NOTCH1: variants seen among roughly 807,000 people sequenced by gnomAD.
NOTCH1 encodes notch receptor 1.
NOTCH1 carries 37 observed loss-of-function variants against 254.8 expected under a neutral mutation model. That is an observed-to-expected ratio of 0.15 (90% CI 0.11 to 0.19). The LOEUF (loss-of-function observed/expected upper bound fraction) is 0.19, where lower values mean the gene tolerates loss of function less well. Ranked by LOEUF, NOTCH1 falls within the 10% of genes least tolerant of loss-of-function variation. The probability of loss-of-function intolerance (pLI) is 1.00; values close to 1 mark genes in which losing one functional copy is unlikely to be tolerated. For synonymous variants in NOTCH1, 1,731 were observed against 1,618.1 expected (o/e 1.07, Z -1.68); for missense variants, 2,972 against 3,708.6 (o/e 0.80, Z 5.16).
chr9:136,536,268 G>A (rs1843655824), intron 2 of NOTCH1, among the ~76,000 whole-genome samples: 1 of 152,190 alleles, frequency 6.6e-6, no homozygotes, highest in Admixed American at 6.5e-5. Flanking sequence ...GGCTGGCCTG[G>A]TGCCCTGCAG....
At chr9:136,522,444 G>C (rs1843386815) in intron 4 of NOTCH1, among the ~76,000 whole-genome samples, 1 of 152,230 alleles carries the variant, frequency 6.6e-6, no homozygotes, top group Admixed American at 6.5e-5. Flanking sequence ...CAGGAGACCA[G>C]CAGGATGGCA....
rs1162682313 is a variant in NOTCH1 at position 136,497,520 on chromosome 9, G to A, written c.6219C>T (p.Ser2073=). 6.2e-7 allele frequency: 1 copy of A among 1,610,124 alleles called. No homozygotes were observed. The highest frequency in any genetic ancestry group is 8.5e-7 in the Non-Finnish European group (1 of 1,178,942). The change falls in exon 34 of 34, where the codon AGC becomes AGT. Residue 2073 remains serine (S), a synonymous_variant. Transcript: ENST00000651671. The stretch of plus-strand genomic sequence containing the variant: ...CCAGCAGCACCTTGGCGGTCTCGTA[G>A]CTGCCCTCCCGGGCGGCCAGAAACA... ...TPLFLAAREG[S]YETAKVLLDH...
chr9:136,525,855 G>A (rs986754252), intron 2 of NOTCH1, among the ~76,000 whole-genome samples: 3 of 152,252 alleles, frequency 2.0e-5, no homozygotes, highest in South Asian at 2.1e-4. Flanking sequence ...TGTCTTCCCC[G>A]AAGGCTTTTA....
chr9:136,502,167 G>A (rs576498009), intron 28 of NOTCH1, 79 bp from the exon 29 acceptor site: 56 of 1,588,622 alleles, frequency 3.5e-5, no homozygotes, highest in East Asian at 3.4e-4. Context: ...CGGGCCTGGC[G>A]TGGGAGGTGG....
intron 8 of NOTCH1, 125 bp downstream of exon 8, chr9:136,517,627 G>C (rs1843297081): frequency 8.1e-7 from 1 of 1,236,132 alleles, no homozygotes; most frequent in Non-Finnish European, 1.2e-6. Flanking sequence ...GCCCTGTGCA[G>C]GCTGTGGGCC....
In NOTCH1 at chr9:136,496,038, G is replaced by C; in HGVS notation, c.*33C>G. 8.2e-6 allele frequency: 13 copies of C among 1,582,238 alleles called. No individual in the cohort carries two copies. The highest frequency in any genetic ancestry group is 1.1e-5 in the Non-Finnish European group (13 of 1,171,606). On this transcript the variant is annotated 3_prime_UTR_variant, in exon 34 of 34. Coordinates refer to ENST00000651671, the MANE Select transcript of NOTCH1 (RefSeq NM_017617.5). ...CGCACACAGACGCCCGAAGGCTTGG[G>C]AAAGGAAGCCGGGGTCTCGTGGGGC...
rs1307465497 is a variant in NOTCH1 at position 136,513,509 on chromosome 9, T to G, written c.2236A>C (p.Ser746Arg). ...TTGTTGATGTCACAGTTGGTCCCAC[T>G]CCACCCAGGGTCACAGTCGCACTTG... ...GYKCDCDPGW[S>R]GTNCDINNNE... Residue 746 changes from serine (S) to arginine (R), a missense_variant, in exon 14 of 34, where the codon AGT becomes CGT. Coordinates refer to ENST00000651671, the MANE Select transcript of NOTCH1 (RefSeq NM_017617.5). This position sits in a 1 kb window ranked among gnomAD's most constrained non-coding sequence, Gnocchi z 4.7. 6.2e-7 allele frequency: 1 copy of G among 1,613,098 alleles called. No individual in the cohort carries two copies. Among genetic ancestry groups the G allele is most frequent in the South Asian group, 1.1e-5 (1 of 91,084 alleles).
Position 136,495,374 on chromosome 9 carries a change from A to G in NOTCH1, c.*697T>C. On this transcript the variant is annotated 3_prime_UTR_variant, in exon 34 of 34. Transcript: ENST00000651671. ...GATTCATGATTGGTACCATGGGTGC[A>G]CTCTTGGCATACACACTCCGAGAAC... 2.5e-6 allele frequency: 1 copy of G among 398,874 alleles called. No homozygotes were observed. 24.7% of individuals were successfully genotyped at this position (398,874 alleles called of 1,614,324 possible).
chr9:136,496,320 G>T lies in NOTCH1; in HGVS notation c.7419C>A (p.Val2473=). 6.3e-7 allele frequency: 1 copy of T among 1,595,166 alleles called. No homozygotes were observed. The change falls in exon 34 of 34, where the codon GTC becomes GTA. Residue 2473 remains valine (V), a synonymous_variant. Coordinates refer to ENST00000651671, the MANE Select transcript of NOTCH1 (RefSeq NM_017617.5). ...ALPTSLPSSL[V]PPVTAAQFLT... is the part of the protein sequence containing the mutation. ...GGAACTGGGCTGCGGTCACGGGTGG[G>T]ACCAGCGAGGATGGCAGCGACGTGG... is the stretch of plus-strand genomic sequence containing the variant.
rs773889047 is a variant in NOTCH1 at position 136,502,424 on chromosome 9, A to G, written c.5232T>C (p.Phe1744=). The G allele has an allele frequency of 3.7e-6, 6 of 1,609,608 alleles. No homozygotes were observed. In the South Asian group the frequency reaches 5.5e-5, roughly 15 times the overall value. ...CGCAGCCCACGAAGAACAGAAGCAC[A>G]AAGGCGGCCGCCGCCACGTACATGA... is the stretch of plus-strand genomic sequence containing the variant. The part of the protein sequence containing the change: ...LHFMYVAAAA[F]VLLFFVGCGV... The change falls in exon 28 of 34, where the codon TTT becomes TTC. Residue 1744 remains phenylalanine, a synonymous_variant. Transcript: ENST00000651671.
intron 20 of NOTCH1, 27 bp from the exon 21 acceptor site, chr9:136,508,166 T>C (rs1302093429): frequency 6.2e-7 from 1 of 1,608,192 alleles, no homozygotes; most frequent in Non-Finnish European, 8.5e-7. Context: ...GGTAGACAGG[T>C]GAGGCCCAGG....
At chr9:136,523,421 T>C (rs1843407095) in intron 3 of NOTCH1, among the ~76,000 whole-genome samples, 1 of 152,196 alleles carries the variant, frequency 6.6e-6, no homozygotes, top group Non-Finnish European at 1.5e-5. Context: ...CCAGACACCC[T>C]TCACCCTAAC....
At chr9:136,514,800 C>T (rs1303314118) in intron 12 of NOTCH1, 98 bp from the exon 13 acceptor site, 3 of 1,203,788 alleles carry the variant, frequency 2.5e-6, no homozygotes, top group East Asian at 5.0e-5. Flanking sequence ...GGCGATCACC[C>T]TTCTGGCCAC....
At chr9:136,541,839 C>G (rs1202196488) in intron 2 of NOTCH1, among the ~76,000 whole-genome samples, 1 of 152,250 alleles carries the variant, frequency 6.6e-6, no homozygotes, top group African/African-American at 2.4e-5. Flanking sequence ...GGACGCGCTT[C>G]CGTCCCATCT....
chr9:136,496,278 C>T lies in NOTCH1; in HGVS notation c.7461G>A (p.Gln2487=), dbSNP rs1248949192. 6 of 1,599,408 alleles carry T rather than the reference C, an allele frequency of 3.8e-6. No homozygotes were observed. Among genetic ancestry groups the T allele is most frequent in the Non-Finnish European group, 5.1e-6 (6 of 1,172,284 alleles). The change falls in exon 34 of 34, where the codon CAG becomes CAA. Residue 2487 remains glutamine (Q), a synonymous_variant. Coordinates refer to ENST00000651671, the MANE Select transcript of NOTCH1 (RefSeq NM_017617.5). ...TAAQFLTPPS[Q]HSYSSPVDNT... is the part of the protein sequence containing the mutation. Reference sequence around the variant, plus strand: ...TGTCCACAGGCGAGGAGTAGCTGTGCTGCGAGGGGGGCGTCAGGAACTGGG... The same window carrying T: ...TGTCCACAGGCGAGGAGTAGCTGTGTTGCGAGGGGGGCGTCAGGAACTGGG...
In NOTCH1 at chr9:136,494,800, A is replaced by T. The variant is rs1288187062; in HGVS notation, c.*1271T>A. The stretch of plus-strand genomic sequence containing the variant: ...CATTAAGATTTTTTAAACAAAATCC[A>T]CCTTTAAAAACATATTTACAGACAT... On this transcript the variant is annotated 3_prime_UTR_variant, in exon 34 of 34. Coordinates refer to ENST00000651671, the MANE Select transcript of NOTCH1 (RefSeq NM_017617.5). The T allele has an allele frequency of 2.5e-6, 1 of 398,620 alleles. No individual in the cohort carries two copies. The highest frequency in any genetic ancestry group is 4.4e-6 in the Non-Finnish European group (1 of 226,038). The allele number at this position is 398,620 out of a possible 1,614,324, so 24.7% of individuals were successfully genotyped here. A position where few individuals can be genotyped will look rare whatever the true frequency, so the allele number is the denominator to read the frequency against.
At chr9:136,521,064 G>A (rs567470086) in intron 4 of NOTCH1, among the ~76,000 whole-genome samples, 393 of 152,282 alleles carry the variant, frequency 2.6e-3, no homozygotes, top group Non-Finnish European at 4.1e-3. Context: ...TCGGTTCCCC[G>A]TGACTCCACA....
chr9:136,519,805 T>C (rs1415720391), intron 4 of NOTCH1, among the ~76,000 whole-genome samples: 3 of 152,196 alleles, frequency 2.0e-5, no homozygotes, highest in Non-Finnish European at 4.4e-5. Flanking sequence ...TTCCAGAAGA[T>C]TCTGTCACAA....
intron 21 of NOTCH1, 33 bp downstream of exon 21, chr9:136,507,922 G>T (rs752968644): frequency 6.2e-7 from 1 of 1,607,902 alleles, no homozygotes; most frequent in Non-Finnish European, 8.5e-7. Context: ...CACTCGTGCC[G>T]GCCACAACCC....
Sources: gnomAD v4.1 joint callset for allele counts (sites outside exome capture counted in the v4.1 genomes callset) on GRCh38, gnomAD v4.1.1 for gene constraint, Gnocchi (gnomAD v3.1) non-coding constraint, MANE v1.5 for transcripts, NCBI Gene and HGNC (gene_info 2026-07-23, HGNC 2026-07-21) for gene names.